The following EFCAB8 variants were observed in gnomAD, a reference collection of about 807,000 sequenced individuals.
EFCAB8 encodes EF-hand calcium binding domain 8, also known as EF-hand calcium-binding domain-containing protein 8.
EFCAB8 carries 100 observed loss-of-function variants against 116.3 expected under a neutral mutation model. That is an observed-to-expected ratio of 0.86 (90% CI 0.73 to 1.02). EFCAB8 has a LOEUF of 1.02. EFCAB8 is among the 50% of genes least tolerant of loss of function. The pLI, the probability that EFCAB8 is intolerant of heterozygous loss-of-function variation, is 0.00. For missense variants in EFCAB8, 1,320 were observed against 1,416.9 expected (o/e 0.93, Z 1.10); for synonymous variants, 558 against 567.9 (o/e 0.98, Z 0.25).
chr20:32,917,947 A>G (rs1000810078), intron 18 of EFCAB8, among the ~76,000 whole-genome samples: 2 of 152,212 alleles, frequency 1.3e-5, no homozygotes, highest in African/African-American at 4.8e-5. Flanking sequence ...GGGCCGCCTC[A>G]TCCAGGGGTT....
intron 15 of EFCAB8, 120 bp from the exon 16 acceptor site, chr20:32,911,360 G>C (rs1986909250): frequency 4.9e-6 from 4 of 824,414 alleles, no homozygotes; most frequent in Non-Finnish European, 7.1e-6. Flanking sequence ...CTGTAGCAGG[G>C]GGCCCTGAAC....
chr20:32,958,697 GC>G (rs1347166712), intron 24 of EFCAB8, 147 bp downstream of exon 24: 1 of 394,596 alleles, frequency 2.5e-6, no homozygotes, highest in Non-Finnish European at 4.5e-6. Context: ...CTTGAGGGTT[GC>G]AGGCAGCTCT....
chr20:32,908,105 A>G (rs1230045906), intron 13 of EFCAB8, among the ~76,000 whole-genome samples, 170 bp from the exon 14 acceptor site: 1 of 152,144 alleles, frequency 6.6e-6, no homozygotes, highest in Admixed American at 6.5e-5. Flanking sequence ...GCACAAGAGT[A>G]GCCTCTCTGC....
At position 32,906,565 on chromosome 20, in the gene EFCAB8, G is replaced by T. The variant is rs919188494; in HGVS notation, c.1092G>T (p.Leu364Phe). The stretch of plus-strand genomic sequence containing the variant: ...CCTCACTCCTTTGATATTGTAGGTT[G>T]TCAGTGCTGCGTTTAAGGAAAGGGA... The part of the protein sequence containing the change: ...LPAKASKKPR[L>F]SVLRLRKGIL... The change falls in exon 12 of 27, where the codon TTG becomes TTT. Residue 364 changes from leucine to phenylalanine, a missense_variant. Coordinates refer to ENST00000400522, the MANE Select transcript of EFCAB8 (RefSeq NM_001143967.2). 2.8e-5 allele frequency: 20 copies of T among 718,396 alleles called. No homozygotes were observed. The highest frequency in any genetic ancestry group is 4.9e-5 in the Non-Finnish European group (19 of 385,090). The allele number at this position is 718,396 out of a possible 1,614,324, so 44.5% of individuals were successfully genotyped here. A position where few individuals can be genotyped will look rare whatever the true frequency, so the allele number is the denominator to read the frequency against.
intron 2 of EFCAB8, 122 bp downstream of exon 2, chr20:32,863,956 AT>A: frequency 9.1e-7 from 1 of 1,099,912 alleles, no homozygotes; most frequent in Non-Finnish European, 1.3e-6. Context: ...ATACTCAGAT[AT>A]TTACTGGGCA....
chr20:32,866,525 G>C (rs1447267606), intron 2 of EFCAB8, among the ~76,000 whole-genome samples: 1 of 151,922 alleles, frequency 6.6e-6, no homozygotes, highest in Non-Finnish European at 1.5e-5. Context: ...GGTGGGGAAG[G>C]CTTCTGGGGG....
intron 3 of EFCAB8, among the ~76,000 whole-genome samples, chr20:32,872,266 C>T (rs1478844332): frequency 1.3e-5 from 2 of 152,164 alleles, no homozygotes; most frequent in Admixed American, 1.3e-4. Flanking sequence ...GGGCAAGCAA[C>T]CACGCCTCTC....
Position 32,961,565 on chromosome 20 carries a change from A to C in EFCAB8, c.3823A>C (p.Thr1275Pro). The C allele has an allele frequency of 7.2e-7, 1 of 1,394,054 alleles. No homozygotes were observed. The highest frequency in any genetic ancestry group is 1.9e-5 in the South Asian group (1 of 51,286). 86.4% of individuals were successfully genotyped at this position (1,394,054 alleles called of 1,614,324 possible). A position where few individuals can be genotyped will look rare whatever the true frequency, so the allele number is the denominator to read the frequency against. The change falls in exon 27 of 27, where the codon ACC becomes CCC. Residue 1275 changes from threonine to proline, a missense_variant. Coordinates refer to ENST00000400522, the MANE Select transcript of EFCAB8 (RefSeq NM_001143967.2). ...GCGGCCCCCAAGGCCTCTGAAGGCC[A>C]CCTTCATGTCCTCTGTGAAGGGGAG... ...FERPPRPLKA[T>P]FMSSVKGSSH...
chr20:32,960,126 T>A lies in EFCAB8; in HGVS notation c.3358T>A (p.Ser1120Thr). Reference sequence around the variant, plus strand: ...ACGCTTGCAGAATACCAGGTTCCTGTCCACCAGGGTGCCATATGGCTGGAT... The same window carrying A: ...ACGCTTGCAGAATACCAGGTTCCTGACCACCAGGGTGCCATATGGCTGGAT... Reference protein sequence around the residue: ...KERLQNTRFLSTRVPYGWMKH... With the variant: ...KERLQNTRFLTTRVPYGWMKH... The change falls in exon 26 of 27, where the codon TCC becomes ACC. Residue 1120 changes from serine to threonine, a missense_variant. Physicochemically the swap from Ser to Thr is moderately conservative, Grantham distance 58. Transcript: ENST00000400522. 6.4e-7 allele frequency: 1 copy of A among 1,551,728 alleles called. No homozygotes were observed. The highest frequency in any genetic ancestry group is 8.7e-7 in the Non-Finnish European group (1 of 1,146,986).
At chr20:32,867,466 A>AT in intron 2 of EFCAB8, 116 bp from the exon 3 acceptor site, 1 of 1,160,456 alleles carries the variant, frequency 8.6e-7, no homozygotes, top group African/African-American at 1.6e-5. Context: ...CAGTGACATC[A>AT]TAACACTACT....
Position 32,943,985 on chromosome 20 carries a change from T to C in EFCAB8, c.2959+181T>C, listed in dbSNP as rs537208666. ...TCCATTCAGCAAACGGTCCATCCAT[T>C]CACCCATCCACCCAATATTATTCAC... On this transcript the variant is annotated intron_variant, in intron 23 of 26. Transcript: ENST00000400522. Among the ~76,000 whole-genome samples, 15 of 152,322 alleles carry C rather than the reference T, an allele frequency of 9.8e-5. No individual in the cohort carries two copies. In the East Asian group the frequency reaches 2.9e-3, roughly 29 times the overall value.
chr20:32,908,293 A>C lies in EFCAB8; in HGVS notation c.1327A>C (p.Met443Leu). 8.0e-7 allele frequency: 1 copy of C among 1,249,798 alleles called. No individual in the cohort carries two copies. 77.4% of individuals were successfully genotyped at this position (1,249,798 alleles called of 1,614,324 possible). ...SKDKNIRVWD[M>L]LDYICLQSFC... ...CCCCCAGAATATTCGCGTGTGGGAC[A>C]TGCTGGACTACATATGCCTCCAGTC... Residue 443 changes from methionine (M) to leucine (L), a missense_variant, in exon 14 of 27, where the codon ATG (methionine) becomes CTG (leucine). By Grantham distance (15) the Met-to-Leu change is conservative. Coordinates refer to ENST00000400522, the MANE Select transcript of EFCAB8 (RefSeq NM_001143967.2).
intron 3 of EFCAB8, 91 bp from the exon 4 acceptor site, chr20:32,875,835 C>A: frequency 8.5e-7 from 1 of 1,182,970 alleles, no homozygotes; most frequent in South Asian, 1.4e-5. Flanking sequence ...GTGTGTCCCC[C>A]TCAGCACCCA....
chr20:32,946,091 T>C (rs1988587646), intron 23 of EFCAB8, among the ~76,000 whole-genome samples: 1 of 152,236 alleles, frequency 6.6e-6, no homozygotes, highest in African/African-American at 2.4e-5. Flanking sequence ...TGGGTTGTTT[T>C]CTCTACTCAT....
intron 15 of EFCAB8, 61 bp from the exon 16 acceptor site, chr20:32,911,418 AC>A: frequency 7.2e-7 from 1 of 1,379,828 alleles, no homozygotes; most frequent in Non-Finnish European, 9.5e-7. Context: ...CAGGCTGGAG[AC>A]CACCCTTGGG....
intron 7 of EFCAB8, among the ~76,000 whole-genome samples, chr20:32,890,575 G>A (rs1985864261): frequency 6.6e-6 from 1 of 152,214 alleles, no homozygotes; most frequent in Admixed American, 6.5e-5. Context: ...CTATTGAATG[G>A]ATGGATGATG....
At chr20:32,869,284 C>T (rs1449817955) in intron 3 of EFCAB8, among the ~76,000 whole-genome samples, 1 of 151,600 alleles carries the variant, frequency 6.6e-6, no homozygotes, top group African/African-American at 2.4e-5. Flanking sequence ...GTTGCCCAGG[C>T]TGGAGTGCAA....
intron 20 of EFCAB8, 131 bp from the exon 21 acceptor site, chr20:32,930,267 A>G: frequency 1.4e-6 from 1 of 717,004 alleles, no homozygotes; most frequent in Non-Finnish European, 2.3e-6. Flanking sequence ...GGGTGGGACC[A>G]CCATCACCAC....
intron 17 of EFCAB8, among the ~76,000 whole-genome samples, chr20:32,913,147 A>G (rs1265235886): frequency 6.6e-6 from 1 of 152,222 alleles, no homozygotes; most frequent in Non-Finnish European, 1.5e-5. Context: ...GTCTTAGTCC[A>G]TTCGGGCTGC....
Sources: allele counts gnomAD v4.1 joint callset (sites outside exome capture counted in the v4.1 genomes callset), GRCh38; gene constraint gnomAD v4.1.1; transcripts MANE v1.5; gene names NCBI Gene and HGNC (gene_info 2026-07-23, HGNC 2026-07-21).